DMD: variants seen among roughly 807,000 people sequenced by gnomAD.
DMD encodes mutant dystrophin.
In DMD, 63 loss-of-function variants were observed where a neutral mutation model predicts 330.1. The ratio of observed to expected loss-of-function variants is 0.19; its 90% CI spans 0.16 to 0.24. The LOEUF is 0.24. DMD is among the 10% of genes least tolerant of loss of function. The pLI is 1.00. For missense variants in DMD, 3,344 were observed against 2,684.1 expected, an observed-to-expected ratio of 1.25 and a Z score of -5.43; for synonymous variants, 1,223 against 959.8, an observed-to-expected ratio of 1.27 and a Z score of -5.07.
chrX:33,145,918 C>T (rs2048006015), intron 1 of DMD, among the ~76,000 whole-genome samples: 1 of 110,153 alleles, frequency 9.1e-6, no homozygotes, highest in Non-Finnish European at 1.9e-5. Context: ...GACAGAGTCT[C>T]GCTCTGTCGC....
intron 9 of DMD, among the ~76,000 whole-genome samples, chrX:32,690,018 C>A (rs926471435): frequency 9.1e-6 from 1 of 109,685 alleles, no homozygotes; most frequent in African/African-American, 3.3e-5. Context: ...TATGCCCATT[C>A]TTGCCACTTC....
chrX:31,757,236 C>T (rs888054986), intron 51 of DMD, among the ~76,000 whole-genome samples: 2 of 111,739 alleles, frequency 1.8e-5, no homozygotes, highest in African/African-American at 3.3e-5. Context: ...CCTCACTATA[C>T]TCCAATTTAC....
rs769812778 is a variant in DMD, at chrX:33,064,842, T to C, written c.32-44642A>G. On this transcript the variant is annotated intron_variant, in intron 1 of 78. Transcript: ENST00000357033. ...AGGCGGAGGTTGCAGTGAGCCAAGA[T>C]CGCGCCACTGCACTTCAGCCTCGGG... is the stretch of plus-strand genomic sequence containing the variant. Among the ~76,000 whole-genome samples, 26 of 110,897 alleles carry C rather than the reference T, an allele frequency of 2.3e-4. No homozygotes were observed. The South Asian group carries it at 9.9e-3, about 42-fold the overall frequency.
chrX:32,353,649 G>A (rs1302952057), intron 37 of DMD, among the ~76,000 whole-genome samples: 2 of 111,137 alleles, frequency 1.8e-5, no homozygotes, highest in Non-Finnish European at 3.8e-5. Flanking sequence ...TATTGCATGA[G>A]AAAGTGTATA....
intron 1 of DMD, among the ~76,000 whole-genome samples, chrX:33,190,942 A>AATATATAATATTATATATATATAT: frequency 9.6e-4 from 1 of 1,044 alleles, no homozygotes. Flanking sequence ...ATATATATAT[A>AATATATAATATTATATATATATAT]ATATATAATA....
At chrX:31,906,852 A>G (rs1353214183) in intron 47 of DMD, among the ~76,000 whole-genome samples, 1 of 111,897 alleles carries the variant, frequency 8.9e-6, no homozygotes, top group Non-Finnish European at 1.9e-5. Flanking sequence ...TTTGTTTATG[A>G]TCTCAATTTC....
At chrX:32,869,379 A>C (rs2082770378) in intron 2 of DMD, among the ~76,000 whole-genome samples, 1 of 111,004 alleles carries the variant, frequency 9.0e-6, no homozygotes, top group Non-Finnish European at 1.9e-5. Context: ...CAGCAAGGGC[A>C]CAGAAGTGGA....
rs748939510 is a variant in DMD, at chrX:32,743,438, C to T, written c.650-44145G>A. 8.7e-4 allele frequency among the ~76,000 whole-genome samples: 97 copies of T among 111,215 alleles called. 1 individual carries two copies. The highest frequency in any genetic ancestry group is 6.3e-3 in the Admixed American group (66 of 10,433). ...GGAAGTATTCTGAAAATCATAAAGACAGGGTAAATTTAAACTATTATTTTA... is the reference window on the plus strand; with the variant it reads ...GGAAGTATTCTGAAAATCATAAAGATAGGGTAAATTTAAACTATTATTTTA... On this transcript the variant is annotated intron_variant, in intron 7 of 78. Transcript: ENST00000357033.
At chrX:32,270,779 A>G (rs1271190875) in intron 43 of DMD, among the ~76,000 whole-genome samples, 1 of 111,612 alleles carries the variant, frequency 9.0e-6, no homozygotes, top group African/African-American at 3.3e-5. Context: ...TAGATCAGAC[A>G]TGTTTGGTCA....
At chrX:31,399,051 A>G (rs1274454677) in intron 60 of DMD, among the ~76,000 whole-genome samples, 3 of 111,472 alleles carry the variant, frequency 2.7e-5, no homozygotes, top group Non-Finnish European at 5.7e-5. Context: ...TAGCTTTGCC[A>G]TTCACAGATG....
At chrX:32,656,731 G>A (rs2060598605) in intron 9 of DMD, among the ~76,000 whole-genome samples, 2 of 111,622 alleles carry the variant, frequency 1.8e-5, no homozygotes, top group Non-Finnish European at 3.8e-5. Flanking sequence ...TTGTAGGAAG[G>A]CGGGGACACT....
At chrX:31,437,351 G>T (rs1398071079) in intron 60 of DMD, among the ~76,000 whole-genome samples, 1 of 111,595 alleles carries the variant, frequency 9.0e-6, no homozygotes, top group Non-Finnish European at 1.9e-5. Flanking sequence ...TGTAGTTTGG[G>T]AATGAATTTC....
At chrX:31,945,874 C>A (rs868803982) in intron 45 of DMD, among the ~76,000 whole-genome samples, 1 of 111,616 alleles carries the variant, frequency 9.0e-6, no homozygotes, top group African/African-American at 3.3e-5. Context: ...TAAGATGTGT[C>A]TCCTCTGTGT....
intron 7 of DMD, among the ~76,000 whole-genome samples, chrX:32,805,264 A>C (rs59169646): frequency 0.12 from 13,242 of 111,579 alleles, 1,835 homozygotes; most frequent in African/African-American, 0.4. Context: ...TAGGCAAAAC[A>C]ATAAATGACC....
chrX:32,560,887 C>T (rs1603636392), intron 16 of DMD, among the ~76,000 whole-genome samples: 1 of 111,690 alleles, frequency 9.0e-6, no homozygotes, highest in African/African-American at 3.3e-5. Flanking sequence ...GTGAATAGTG[C>T]TGCAATTAAC....
intron 48 of DMD, among the ~76,000 whole-genome samples, chrX:31,852,279 G>A (rs73464084): frequency 8.9e-6 from 1 of 111,955 alleles, no homozygotes; most frequent in African/African-American, 3.2e-5. Flanking sequence ...ATTCTTAAGG[G>A]GGTACAATCT....
At chrX:32,826,863 T>G (rs966874335) in intron 4 of DMD, among the ~76,000 whole-genome samples, 4 of 111,183 alleles carry the variant, frequency 3.6e-5, no homozygotes, top group African/African-American at 1.3e-4. Flanking sequence ...CCCCAAATGA[T>G]AAACATATAA....
At chrX:32,402,518 A>G (rs2098091846) in intron 30 of DMD, among the ~76,000 whole-genome samples, 2 of 111,205 alleles carry the variant, frequency 1.8e-5, no homozygotes, top group African/African-American at 3.3e-5. Flanking sequence ...TCAACCATTC[A>G]TCTAGTGTTT....
intron 55 of DMD, among the ~76,000 whole-genome samples, chrX:31,581,003 T>A (rs1292484286): frequency 8.9e-6 from 1 of 112,413 alleles, no homozygotes; most frequent in African/African-American, 3.2e-5. Context: ...GGAATGCTGC[T>A]AATTCTGGAA....
Sources: gnomAD v4.1 joint callset for allele counts (sites outside exome capture counted in the v4.1 genomes callset) on GRCh38, gnomAD v4.1.1 for gene constraint, MANE v1.5 for transcripts, NCBI Gene and HGNC (gene_info 2026-07-23, HGNC 2026-07-21) for gene names.